Variants in TMEM132C observed in about 807,000 individuals in gnomAD.
TMEM132C encodes transmembrane protein 132C.
In TMEM132C, 29 loss-of-function variants were observed where a neutral mutation model predicts 61.4. The observed-to-expected ratio is 0.47, with a 90% CI of 0.35 to 0.64. The LOEUF is 0.64. TMEM132C is among the 30% of genes least tolerant of loss of function. TMEM132C has a pLI of 0.00. For missense variants in TMEM132C, 1,408 were observed against 1,476.9 expected (o/e 0.95, Z 0.76); for synonymous variants, 656 against 633.1 (o/e 1.04, Z -0.54).
At position 128,577,864 on chromosome 12, in the gene TMEM132C, T is replaced by C. The variant is rs113718142; in HGVS notation, c.1121+33761T>C. 2.8e-4 allele frequency among the ~76,000 whole-genome samples: 42 copies of C among 152,316 alleles called. 1 individual carries two copies. The highest frequency in any genetic ancestry group is 1.0e-3 in the African/African-American group (42 of 41,562). ...TAGAAGGCTTGAAATACCACCTTCT[T>C]CGCGGCTCCCCTCAAATGAGGACTC... On this transcript the variant is annotated intron_variant, in intron 3 of 8. Transcript: ENST00000435159.
intron 1 of TMEM132C, among the ~76,000 whole-genome samples, chr12:128,335,998 A>G (rs1221258737): frequency 6.6e-6 from 1 of 152,228 alleles, no homozygotes; most frequent in East Asian, 1.9e-4. Flanking sequence ...AATTAGACCA[A>G]TGGAAAGAAA....
At chr12:128,690,304 G>T (rs774286329) in intron 5 of TMEM132C, among the ~76,000 whole-genome samples, 2 of 152,208 alleles carry the variant, frequency 1.3e-5, no homozygotes, top group Non-Finnish European at 2.9e-5. Flanking sequence ...GGACTAAAAA[G>T]ACTCCTGTGG....
At chr12:128,419,335 G>T (rs1466211015) in intron 2 of TMEM132C, among the ~76,000 whole-genome samples, 5 of 152,164 alleles carry the variant, frequency 3.3e-5, no homozygotes, top group African/African-American at 7.2e-5. Context: ...ATTCCATCCT[G>T]CATAAAATGA....
rs76542445 is a variant in TMEM132C at position 128,280,401 on chromosome 12, T to C, written c.85+12914T>C. On this transcript the variant is annotated intron_variant, in intron 1 of 8. Coordinates refer to ENST00000435159, the MANE Select transcript of TMEM132C (RefSeq NM_001136103.3). ...TGAGATATAGGAGGGGCTCCTTCCT[T>C]GTAGACAAGAGATTCTCAAAACTGA... Among the ~76,000 whole-genome samples the C allele has an allele frequency of 4.8e-3, 728 of 152,310 alleles. 4 individuals carry two copies. The highest frequency in any genetic ancestry group is 0.017 in the Middle Eastern group (5 of 294).
chr12:128,458,006 T>C (rs1417676947), intron 2 of TMEM132C, among the ~76,000 whole-genome samples: 1 of 152,064 alleles, frequency 6.6e-6, no homozygotes, highest in Non-Finnish European at 1.5e-5. Flanking sequence ...TAAAATACAG[T>C]ATGTCAATTT....
intron 1 of TMEM132C, among the ~76,000 whole-genome samples, chr12:128,320,190 C>A (rs1174682387): frequency 2.0e-5 from 3 of 151,976 alleles, no homozygotes; most frequent in African/African-American, 7.3e-5. Context: ...AAATTAATTC[C>A]TTTTATTTCA....
At chr12:128,321,900 A>T (rs1397949050) in intron 1 of TMEM132C, among the ~76,000 whole-genome samples, 1 of 152,180 alleles carries the variant, frequency 6.6e-6, no homozygotes, top group Non-Finnish European at 1.5e-5. Flanking sequence ...TGAAGACAGG[A>T]TGTGGTGGAA....
At chr12:128,511,055 C>T (rs1872549620) in intron 2 of TMEM132C, among the ~76,000 whole-genome samples, 1 of 152,194 alleles carries the variant, frequency 6.6e-6, no homozygotes, top group African/African-American at 2.4e-5. Flanking sequence ...TGGTTGGGTG[C>T]ACCATGGAAA....
intron 2 of TMEM132C, among the ~76,000 whole-genome samples, chr12:128,502,584 C>T (rs1177999608): frequency 6.6e-6 from 1 of 152,212 alleles, no homozygotes; most frequent in Non-Finnish European, 1.5e-5. Context: ...CCTGGGCCAT[C>T]TACACCAGAG....
chr12:128,501,281 A>G (rs1345477765), intron 2 of TMEM132C, among the ~76,000 whole-genome samples: 3 of 152,242 alleles, frequency 2.0e-5, no homozygotes, highest in African/African-American at 7.2e-5. Flanking sequence ...TAGTCAATCT[A>G]GAATGAAGGC....
At chr12:128,387,140 C>CAAAAAAAAAAAAAAAA (rs34160455) in intron 1 of TMEM132C, among the ~76,000 whole-genome samples, 1 of 85,628 alleles carries the variant, frequency 1.2e-5, no homozygotes, top group East Asian at 3.6e-4. Context: ...GACTCTGCCT[C>CAAAAAAAAAAAAAAAA]AAAAAAAAAA....
At chr12:128,301,533 C>G (rs1871595094) in intron 1 of TMEM132C, among the ~76,000 whole-genome samples, 1 of 152,182 alleles carries the variant, frequency 6.6e-6, no homozygotes, top group Non-Finnish European at 1.5e-5. Context: ...TGCTTCTGCC[C>G]TGGGAACCAT....
chr12:128,561,053 C>T (rs1303072840), intron 3 of TMEM132C, among the ~76,000 whole-genome samples: 1 of 152,232 alleles, frequency 6.6e-6, no homozygotes, highest in Non-Finnish European at 1.5e-5. Flanking sequence ...ACCAAAGCTA[C>T]TGTCATGCCC....
At chr12:128,328,624 C>G (rs1416564079) in intron 1 of TMEM132C, among the ~76,000 whole-genome samples, 1 of 151,472 alleles carries the variant, frequency 6.6e-6, no homozygotes, top group Non-Finnish European at 1.5e-5. Flanking sequence ...CTGTCTCTAC[C>G]AAAAATACAA....
chr12:128,469,640 TTGTGTGTGTGTGTG>T (rs745661735), intron 2 of TMEM132C, among the ~76,000 whole-genome samples: 1 of 146,598 alleles, frequency 6.8e-6, no homozygotes, highest in Non-Finnish European at 1.5e-5. Context: ...GTGTGTGTGT[TTGTGTGTGTGTGTG>T]TGTGTGTGTA....
intron 2 of TMEM132C, among the ~76,000 whole-genome samples, chr12:128,465,845 G>T (rs1870714813): frequency 6.6e-6 from 1 of 152,186 alleles, no homozygotes; most frequent in South Asian, 2.1e-4. Flanking sequence ...CAGTTAGCCG[G>T]TTGCTGATTG....
At chr12:128,485,494 G>T (rs373623028) in intron 2 of TMEM132C, among the ~76,000 whole-genome samples, 1 of 152,124 alleles carries the variant, frequency 6.6e-6, no homozygotes, top group Non-Finnish European at 1.5e-5. Flanking sequence ...TAACTCTTAA[G>T]TGGTTCTTAA....
At chr12:128,481,893 G>C (rs939551014) in intron 2 of TMEM132C, among the ~76,000 whole-genome samples, 2 of 152,152 alleles carry the variant, frequency 1.3e-5, no homozygotes, top group African/African-American at 4.8e-5. Flanking sequence ...TTGCAAAGCT[G>C]CTGAGAAGCC....
rs576322946 is a variant in TMEM132C at position 128,664,159 on chromosome 12, C to G, written c.1306-5258C>G. Among the ~76,000 whole-genome samples, 5 of 134,060 alleles carry G rather than the reference C, an allele frequency of 3.7e-5. 1 individual carries two copies. The highest frequency in any genetic ancestry group is 2.2e-4 in the South Asian group (1 of 4,512). 87.9% of individuals were successfully genotyped at this position (134,060 alleles called of 152,430 possible). On this transcript the variant is annotated intron_variant, in intron 4 of 8. Coordinates refer to ENST00000435159, the MANE Select transcript of TMEM132C (RefSeq NM_001136103.3). ...TCACACAGGCACACACACATGCGCA[C>G]AGGCACACGCACCCACACGCATGCA...
Sources: allele counts gnomAD v4.1 joint callset (sites outside exome capture counted in the v4.1 genomes callset), GRCh38; gene constraint gnomAD v4.1.1; transcripts MANE v1.5; gene names NCBI Gene and HGNC (gene_info 2026-07-23, HGNC 2026-07-21).